The following LAMB4 variants were observed in gnomAD, a reference collection of about 807,000 sequenced individuals.
LAMB4 encodes laminin subunit beta-4.
In LAMB4, 196 loss-of-function variants were observed where a neutral mutation model predicts 199.2. That is an observed-to-expected ratio of 0.98 (90% CI 0.88 to 1.11). The LOEUF is 1.11. Among genes scored for constraint, LAMB4 ranks in the 50% least tolerant of loss-of-function variants. The probability of loss-of-function intolerance (pLI) is 0.00; values close to 1 mark genes in which losing one functional copy is unlikely to be tolerated. For synonymous variants in LAMB4, 744 were observed against 770.6 expected, an observed-to-expected ratio of 0.97 and a Z score of 0.57; for missense variants, 2,080 against 2,171.2, an observed-to-expected ratio of 0.96 and a Z score of 0.83.
intron 12 of LAMB4, among the ~76,000 whole-genome samples, chr7:108,093,347 G>A (rs1411720248): frequency 1.3e-5 from 2 of 152,152 alleles, no homozygotes; most frequent in Non-Finnish European, 2.9e-5. Context: ...TTACAGGCAT[G>A]AGCCACCAGG....
chr7:108,102,131 TGCACAAG>T (rs1303929873), intron 10 of LAMB4, among the ~76,000 whole-genome samples: 4 of 152,078 alleles, frequency 2.6e-5, no homozygotes, highest in Admixed American at 2.6e-4. Flanking sequence ...TTTGCATAGA[TGCACAAG>T]GTCACATACA....
At chr7:108,023,506 T>TG (rs1413679985), downstream of LAMB4, 1 of 152,248 alleles carries the variant, frequency 6.6e-6, no homozygotes, top group African/African-American at 2.4e-5. Context: ...CAGAATTCCC[T>TG]GGCTGAGAAT....
chr7:108,048,070 G>C lies in LAMB4; in HGVS notation c.4164C>G (p.Pro1388=). Residue 1388 remains proline, a synonymous_variant, in exon 28 of 34, where the codon CCC becomes CCG. Transcript: ENST00000388781. ...GGCCCGTGCAGAGAGCACCGCCACA[G>C]GGCAAGGGCACACATGGCACATTTC... ...DPGNVPCVPL[P]CGGALCTGRK... 2 of 1,614,082 alleles carry C rather than the reference G, an allele frequency of 1.2e-6. No homozygotes were observed. Among genetic ancestry groups the C allele is most frequent in the Non-Finnish European group, 8.5e-7 (1 of 1,180,016 alleles).
chr7:108,022,894 C>T (rs1460531971), downstream of LAMB4, among the ~76,000 whole-genome samples: 4 of 152,152 alleles, frequency 2.6e-5, no homozygotes, highest in Non-Finnish European at 5.9e-5. Flanking sequence ...CTCACTGCAA[C>T]CCCTTCCTCC....
At chr7:108,032,404 A>T (rs1009557076) in intron 31 of LAMB4, among the ~76,000 whole-genome samples, 13 of 152,156 alleles carry the variant, frequency 8.5e-5, no homozygotes, top group African/African-American at 2.9e-4. Flanking sequence ...AAATAAAAAA[A>T]AAAAATCTTT....
rs2037934361 is a variant in LAMB4, at chr7:108,104,596, C to T, written c.894G>A (p.Gln298=). ...PGMVHGQCVC[Q]HNTDGPNCER... is the part of the protein sequence containing the mutation. ...CACAGTTCGGACCATCTGTATTGTG[C>T]TGACACACACACTGACCGTGAACCT... The change falls in exon 9 of 34, where the codon CAG becomes CAA. Residue 298 remains glutamine, a synonymous_variant. Coordinates refer to ENST00000388781, the MANE Select transcript of LAMB4 (RefSeq NM_007356.3). 1.2e-6 allele frequency: 2 copies of T among 1,614,018 alleles called. No individual in the cohort carries two copies. Among genetic ancestry groups the T allele is most frequent in the African/African-American group, 2.7e-5 (2 of 74,908 alleles).
intron 4 of LAMB4, 139 bp downstream of exon 4, chr7:108,111,672 T>C (rs1009778153): frequency 6.3e-5 from 41 of 648,402 alleles, no homozygotes; most frequent in Middle Eastern, 3.8e-4. Flanking sequence ...TATTCTTATA[T>C]GGGTCTCTAC....
chr7:108,069,835 C>T lies in LAMB4; in HGVS notation c.2175G>A (p.Gln725=), dbSNP rs748504810. The T allele has an allele frequency of 1.4e-5, 22 of 1,613,786 alleles. No homozygotes were observed. The highest frequency in any genetic ancestry group is 5.9e-6 in the Non-Finnish European group (7 of 1,179,828). Residue 725 remains glutamine (Q), a synonymous_variant, in exon 18 of 34, where the codon CAG becomes CAA. Transcript: ENST00000388781. ...TGTGAAGCTGATACTCATCTAAGTC[C>T]TGCTTGCTGCAGAAATTCTCCAATG... ...INSLENFCSK[Q]DLDEYQLHNC...
rs748603758 is a variant in LAMB4, at chr7:108,105,977, C to T, written c.710G>A (p.Gly237Glu). 3 of 1,614,028 alleles carry T rather than the reference C, an allele frequency of 1.9e-6. No homozygotes were observed. Among genetic ancestry groups the T allele is most frequent in the African/African-American group, 1.3e-5 (1 of 74,902 alleles). The change falls in exon 8 of 34, where the codon GGG becomes GAG. Residue 237 changes from glycine to glutamate, a missense_variant. Physicochemically the swap from Gly to Glu is moderately conservative, Grantham distance 98. Transcript: ENST00000388781. The part of the protein sequence containing the change: ...RINFTKLHTL[G>E]DALLGRRQND... Reference sequence around the variant, plus strand: ...TTGCCTCCTTCCAAGCAAAGCATCCCCAAGGGTGTGGAGCTTGGTAAAGTT... The same window carrying T: ...TTGCCTCCTTCCAAGCAAAGCATCCTCAAGGGTGTGGAGCTTGGTAAAGTT...
chr7:108,022,054 C>T (rs2034705418), downstream of LAMB4, among the ~76,000 whole-genome samples: 4 of 152,250 alleles, frequency 2.6e-5, no homozygotes, highest in Middle Eastern at 0.01. Flanking sequence ...TGGTGAGTGT[C>T]CAAGGAGGAC....
At chr7:108,122,427 G>A (rs1015084370) in intron 2 of LAMB4, among the ~76,000 whole-genome samples, 2 of 152,170 alleles carry the variant, frequency 1.3e-5, no homozygotes, top group Non-Finnish European at 2.9e-5. Flanking sequence ...GAACAAATGA[G>A]TGCTTACCAT....
In LAMB4 at chr7:108,079,736, C is replaced by T. The variant is rs1283034656; in HGVS notation, c.1752G>A (p.Glu584=). 1 of 1,609,738 alleles carries T rather than the reference C, an allele frequency of 6.2e-7. No individual in the cohort carries two copies. Among genetic ancestry groups the T allele is most frequent in the African/African-American group, 1.3e-5 (1 of 74,756 alleles). Residue 584 remains glutamate (E), a synonymous_variant, in exon 15 of 34, where the codon GAG becomes GAA. Coordinates refer to ENST00000388781, the MANE Select transcript of LAMB4 (RefSeq NM_007356.3). ...QSPAVHVVLG[E]PVPGNPVTWT... ...ATGTAACAGGGTTCCCAGGAACTGGCTCTCCTAAAACAACGTGAACAGCAG... is the reference window on the plus strand; with the variant it reads ...ATGTAACAGGGTTCCCAGGAACTGGTTCTCCTAAAACAACGTGAACAGCAG...
chr7:108,037,619 G>A (rs759041655), intron 29 of LAMB4, 24 bp from the exon 30 acceptor site: 4 of 1,561,576 alleles, frequency 2.6e-6, no homozygotes, highest in Non-Finnish European at 3.5e-6. Flanking sequence ...CAGGGTTTTA[G>A]GTAATCATGT....
chr7:108,098,307 TG>T, intron 11 of LAMB4, 95 bp downstream of exon 11: 1 of 1,098,692 alleles, frequency 9.1e-7, no homozygotes, highest in Non-Finnish European at 1.3e-6. Context: ...TACTCCAGCC[TG>T]GGCGACAGAG....
intron 17 of LAMB4, among the ~76,000 whole-genome samples, chr7:108,075,134 C>T (rs1023394332): frequency 1.3e-5 from 2 of 152,118 alleles, no homozygotes; most frequent in African/African-American, 4.8e-5. Flanking sequence ...CTTTGTAACT[C>T]ATATGTTGGT....
chr7:108,025,298 T>C (rs1156332046), intron 33 of LAMB4, among the ~76,000 whole-genome samples: 1 of 152,174 alleles, frequency 6.6e-6, no homozygotes, highest in Non-Finnish European at 1.5e-5. Context: ...AAAAACTCTC[T>C]AGGAGTCATG....
chr7:108,052,614 T>G (rs1435320713), intron 25 of LAMB4, among the ~76,000 whole-genome samples: 1 of 152,218 alleles, frequency 6.6e-6, no homozygotes, highest in African/African-American at 2.4e-5. Flanking sequence ...AGGGAGCTTT[T>G]GGCTTTCAAC....
intron 17 of LAMB4, among the ~76,000 whole-genome samples, chr7:108,076,422 G>A (rs2036706009): frequency 2.0e-5 from 3 of 152,094 alleles, no homozygotes; most frequent in African/African-American, 7.2e-5. Flanking sequence ...ATAAGAAAAT[G>A]CTTATGATGA....
intron 1 of LAMB4, among the ~76,000 whole-genome samples, chr7:108,124,093 C>A (rs2038695896): frequency 1.3e-5 from 2 of 152,012 alleles, no homozygotes; most frequent in African/African-American, 4.8e-5. Context: ...TGGACCAGTG[C>A]AGCCTCAGCC....
Sources: allele counts gnomAD v4.1 joint callset (sites outside exome capture counted in the v4.1 genomes callset), GRCh38; gene constraint gnomAD v4.1.1; transcripts MANE v1.5; gene names NCBI Gene and HGNC (gene_info 2026-07-23, HGNC 2026-07-21).